The following PARP8 variants were observed in gnomAD, a reference collection of about 807,000 sequenced individuals.
PARP8 encodes the protein poly(ADP-ribose) polymerase family member 8.
Under a neutral mutation model 124.1 loss-of-function variants are expected in PARP8, and 51 were observed. That is an observed-to-expected ratio of 0.41 (90% CI 0.33 to 0.52). The LOEUF (loss-of-function observed/expected upper bound fraction) is 0.52, where lower values mean the gene tolerates loss of function less well. PARP8 is among the 20% of genes least tolerant of loss of function. PARP8 has a pLI of 0.21. For synonymous variants in PARP8, 391 were observed against 361.5 expected, an observed-to-expected ratio of 1.08 and a Z score of -0.93; for missense variants, 860 against 1,018.9, an observed-to-expected ratio of 0.84 and a Z score of 2.12.
chr5:50,745,186 C>T (rs981293672), intron 2 of PARP8, among the ~76,000 whole-genome samples: 8 of 152,134 alleles, frequency 5.3e-5, no homozygotes, highest in African/African-American at 1.7e-4. Flanking sequence ...GGTACGTTCA[C>T]GAACATGGGA....
At position 50,822,452 on chromosome 5, in the gene PARP8, T is replaced by C; in HGVS notation, c.1860+52T>C. ...GTATATTTTTAAAATGTCTGAGAGTTCTAGCTATGTAGTGAAATGTAGACT... is the reference window on the plus strand; with the variant it reads ...GTATATTTTTAAAATGTCTGAGAGTCCTAGCTATGTAGTGAAATGTAGACT... On this transcript the variant is annotated intron_variant, in intron 17 of 25. Coordinates refer to ENST00000281631, the MANE Select transcript of PARP8 (RefSeq NM_024615.4). 3.6e-6 allele frequency: 5 copies of C among 1,383,474 alleles called. No homozygotes were observed. In the South Asian group the frequency reaches 6.0e-5, roughly 17 times the overall value. 85.7% of individuals were successfully genotyped at this position (1,383,474 alleles called of 1,614,324 possible).
chr5:50,692,694 T>A (rs1278819116), intron 2 of PARP8, among the ~76,000 whole-genome samples: 1 of 152,132 alleles, frequency 6.6e-6, no homozygotes, highest in African/African-American at 2.4e-5. Context: ...GGTAAAAAAA[T>A]AATACTTTTT....
Position 50,754,148 on chromosome 5 carries a change from T to C in PARP8, c.184+3960T>C, listed in dbSNP as rs59468248. The stretch of plus-strand genomic sequence containing the variant: ...ATATATATATATATATATATATATA[T>C]ATACACACACACACACACACACACA... On this transcript the variant is annotated intron_variant, in intron 3 of 25. Coordinates refer to ENST00000281631, the MANE Select transcript of PARP8 (RefSeq NM_024615.4). Among the ~76,000 whole-genome samples, 199 of 22,376 alleles carry C rather than the reference T, an allele frequency of 8.9e-3. 4 individuals are homozygous for C. The highest frequency in any genetic ancestry group is 0.018 in the Middle Eastern group (1 of 56). 14.7% of individuals were successfully genotyped at this position (22,376 alleles called of 152,430 possible).
chr5:50,788,393 C>A (rs1367853691), intron 9 of PARP8, 130 bp from the exon 10 acceptor site: 2 of 689,982 alleles, frequency 2.9e-6, no homozygotes, highest in Admixed American at 2.5e-5. Flanking sequence ...TTGTTTAGGA[C>A]TGCATGTACA....
At chr5:50,758,592 C>A (rs550288463) in intron 3 of PARP8, among the ~76,000 whole-genome samples, 83 of 152,256 alleles carry the variant, frequency 5.5e-4, no homozygotes, top group Middle Eastern at 3.4e-3. Context: ...GCCATAAGAA[C>A]AACTAATTTC....
rs1304873521 is a variant in PARP8, at chr5:50,794,962, AC to A, written c.974del (p.Thr325LysfsTer30). On this transcript the variant is annotated frameshift_variant, in exon 12 of 26. Coordinates refer to ENST00000281631, the MANE Select transcript of PARP8 (RefSeq NM_024615.4). LOFTEE classifies it high-confidence loss of function. ...GCTGCTGCGGAGGACTTGTTCCAGC[AC>A]AGTCAAGACTGATGATGTGTGTGTC... ...HKLLRRTCSS[T>X]VKTDDVCVTK... 6.2e-7 allele frequency: 1 copy of A among 1,614,226 alleles called. No individual in the cohort carries two copies. Among genetic ancestry groups the A allele is most frequent in the Non-Finnish European group, 8.5e-7 (1 of 1,180,036 alleles).
intron 2 of PARP8, among the ~76,000 whole-genome samples, chr5:50,708,726 T>TA (rs1243354162): frequency 6.7e-6 from 1 of 148,758 alleles, no homozygotes; most frequent in East Asian, 1.9e-4. Context: ...GGCTTGGTGT[T>TA]TACTGCAAAG....
At chr5:50,739,195 AG>A (rs1227089253) in intron 2 of PARP8, 3 of 636,540 alleles carry the variant, frequency 4.7e-6, no homozygotes, top group Non-Finnish European at 8.8e-6. Flanking sequence ...CTTCCATTGC[AG>A]GGGGATCTGT....
At chr5:50,691,899 C>G (rs1293501544) in intron 2 of PARP8, among the ~76,000 whole-genome samples, 1 of 152,156 alleles carries the variant, frequency 6.6e-6, no homozygotes, top group African/African-American at 2.4e-5. Context: ...CCCCTACTTA[C>G]AATTAATGAC....
chr5:50,734,221 CTA>C (rs1271309499), intron 2 of PARP8, among the ~76,000 whole-genome samples: 5 of 152,032 alleles, frequency 3.3e-5, no homozygotes, highest in Non-Finnish European at 7.4e-5. Context: ...TATGTGAAAT[CTA>C]TATGTTATTA....
At chr5:50,693,369 C>T (rs1033391948) in intron 2 of PARP8, among the ~76,000 whole-genome samples, 2 of 152,122 alleles carry the variant, frequency 1.3e-5, no homozygotes, top group African/African-American at 4.8e-5. Flanking sequence ...GGAAATTAAA[C>T]CTCTCCAGGT....
At chr5:50,702,852 A>AT (rs1246736743) in intron 2 of PARP8, among the ~76,000 whole-genome samples, 3 of 152,172 alleles carry the variant, frequency 2.0e-5, no homozygotes, top group Admixed American at 6.6e-5. Flanking sequence ...TCTGTCTTTA[A>AT]TTCTCCTATC....
intron 2 of PARP8, among the ~76,000 whole-genome samples, chr5:50,698,241 A>G (rs1043069981): frequency 2.6e-5 from 4 of 152,200 alleles, no homozygotes; most frequent in Non-Finnish European, 5.9e-5. Flanking sequence ...TCAGAGAACA[A>G]AACATGTATA....
chr5:50,759,227 A>C (rs1760290272), intron 3 of PARP8, among the ~76,000 whole-genome samples: 2 of 151,958 alleles, frequency 1.3e-5, no homozygotes, highest in African/African-American at 4.8e-5. Context: ...CCCACTAATA[A>C]ATTTTTTTTT....
At chr5:50,770,711 G>A (rs1761532215) in intron 7 of PARP8, among the ~76,000 whole-genome samples, 1 of 142,872 alleles carries the variant, frequency 7.0e-6, no homozygotes, top group Non-Finnish European at 1.5e-5. Flanking sequence ...AAAGAAAGGA[G>A]AGAGAAAGAA....
chr5:50,821,766 A>G lies in PARP8; in HGVS notation c.1794+428A>G, dbSNP rs27253. On this transcript the variant is annotated intron_variant, in intron 16 of 25. Transcript: ENST00000281631. ...AAGAGCTGAAGTTGCCTCAGTTTCT[A>G]TTACTACTCAGCTTGAAATAATTTT... Among the ~76,000 whole-genome samples, 906 of 152,344 alleles carry G rather than the reference A, an allele frequency of 5.9e-3. 57 individuals carry two copies. The East Asian group carries it at 0.16, about 27-fold the overall frequency.
At chr5:50,680,568 A>C (rs1196534358) in intron 2 of PARP8, among the ~76,000 whole-genome samples, 1 of 152,192 alleles carries the variant, frequency 6.6e-6, no homozygotes, top group Non-Finnish European at 1.5e-5. Flanking sequence ...CAATTAGCAA[A>C]TAAAAGAGTT....
intron 25 of PARP8, among the ~76,000 whole-genome samples, chr5:50,839,036 A>G (rs1747886640): frequency 6.6e-6 from 1 of 152,002 alleles, no homozygotes; most frequent in African/African-American, 2.4e-5. Context: ...TATGTTACTC[A>G]GGTGGGTCTC....
intron 21 of PARP8, among the ~76,000 whole-genome samples, chr5:50,829,312 A>C (rs1746689514): frequency 6.6e-6 from 1 of 152,092 alleles, no homozygotes; most frequent in African/African-American, 2.4e-5. Flanking sequence ...GCTAGATCTC[A>C]TATTATGATG....
Sources: allele counts gnomAD v4.1 joint callset (sites outside exome capture counted in the v4.1 genomes callset), GRCh38; gene constraint gnomAD v4.1.1; transcripts MANE v1.5; gene names NCBI Gene and HGNC (gene_info 2026-07-23, HGNC 2026-07-21).